Variants in SHROOM3 observed in about 807,000 individuals in gnomAD.
The protein encoded by SHROOM3 is protein Shroom3.
A neutral mutation model predicts 138.6 loss-of-function variants in SHROOM3; 47 were observed. That is an observed-to-expected ratio of 0.34 (90% CI 0.27 to 0.43). The LOEUF (loss-of-function observed/expected upper bound fraction) is 0.43, where lower values mean the gene tolerates loss of function less well. Among genes scored for constraint, SHROOM3 ranks in the 20% least tolerant of loss-of-function variants. The pLI is 1.00. For missense variants in SHROOM3, 2,491 were observed against 2,596.5 expected, an observed-to-expected ratio of 0.96 and a Z score of 0.88; for synonymous variants, 1,062 against 1,063.3, an observed-to-expected ratio of 1.00 and a Z score of 0.02.
intron 9 of SHROOM3, among the ~76,000 whole-genome samples, chr4:76,765,466 G>T (rs1437983588): frequency 1.3e-5 from 2 of 152,138 alleles, no homozygotes; most frequent in African/African-American, 4.8e-5. Flanking sequence ...GTAGTGAGCT[G>T]TGATTATGCC....
At chr4:76,651,446 A>ATATATATATATAT (rs1735960761) in intron 2 of SHROOM3, among the ~76,000 whole-genome samples, 1 of 97,092 alleles carries the variant, frequency 1.0e-5, no homozygotes. Flanking sequence ...ATATATATAT[A>ATATATATATATAT]CCTACTATGT....
intron 1 of SHROOM3, among the ~76,000 whole-genome samples, chr4:76,511,910 G>A (rs1180570822): frequency 2.0e-5 from 3 of 152,166 alleles, no homozygotes; most frequent in African/African-American, 4.8e-5. Flanking sequence ...GGAGTGAGGG[G>A]CCTGTCCTCA....
chr4:76,652,716 G>C (rs1270298125), intron 2 of SHROOM3, among the ~76,000 whole-genome samples: 2 of 151,898 alleles, frequency 1.3e-5, no homozygotes, highest in Non-Finnish European at 2.9e-5. Flanking sequence ...ATGAGTTCAT[G>C]CAAAGTAAGA....
At chr4:76,461,384 AT>A (rs1731139608) in intron 1 of SHROOM3, among the ~76,000 whole-genome samples, 1 of 152,250 alleles carries the variant, frequency 6.6e-6, no homozygotes. Context: ...ATGGAAAATC[AT>A]AGATATTTGG....
chr4:76,448,243 A>G (rs1579160280), intron 1 of SHROOM3, among the ~76,000 whole-genome samples: 1 of 152,208 alleles, frequency 6.6e-6, no homozygotes, highest in Non-Finnish European at 1.5e-5. Flanking sequence ...ATTAGTTATC[A>G]TATTTAGTCA....
intron 2 of SHROOM3, among the ~76,000 whole-genome samples, chr4:76,658,929 G>A (rs1736124246): frequency 6.6e-6 from 1 of 150,996 alleles, no homozygotes; most frequent in South Asian, 2.1e-4. Flanking sequence ...TCTTTTTTTG[G>A]AAACAATTAG....
intron 1 of SHROOM3, among the ~76,000 whole-genome samples, chr4:76,462,974 G>A (rs193106356): frequency 4.2e-4 from 64 of 152,298 alleles, no homozygotes; most frequent in South Asian, 2.1e-3. Flanking sequence ...AATTGGTAGA[G>A]AAGGGGGGCA....
At chr4:76,466,939 G>A (rs1189286664) in intron 1 of SHROOM3, among the ~76,000 whole-genome samples, 2 of 152,246 alleles carry the variant, frequency 1.3e-5, no homozygotes, top group East Asian at 1.9e-4. Flanking sequence ...TCTGCTGGGG[G>A]AGTAAGTGAA....
At chr4:76,497,600 GTAA>G (rs1560524755) in intron 1 of SHROOM3, among the ~76,000 whole-genome samples, 6 of 152,208 alleles carry the variant, frequency 3.9e-5, no homozygotes, top group Non-Finnish European at 8.8e-5. Flanking sequence ...GCTCATGCCT[GTAA>G]TCCCAGCACT....
intron 2 of SHROOM3, among the ~76,000 whole-genome samples, chr4:76,704,614 G>T (rs1719996468): frequency 6.6e-6 from 1 of 152,186 alleles, no homozygotes; most frequent in Non-Finnish European, 1.5e-5. Context: ...TCAGAATGCA[G>T]TAAGGGGAAA....
intron 1 of SHROOM3, among the ~76,000 whole-genome samples, chr4:76,463,107 C>T (rs1731174990): frequency 6.6e-6 from 1 of 152,138 alleles, no homozygotes; most frequent in South Asian, 2.1e-4. Context: ...TTCCTAGAGA[C>T]TTAGTGAATG....
At chr4:76,535,772 T>C (rs938968614) in intron 1 of SHROOM3, among the ~76,000 whole-genome samples, 1 of 152,240 alleles carries the variant, frequency 6.6e-6, no homozygotes, top group African/African-American at 2.4e-5. Context: ...AACCATTTTA[T>C]TGGAATGACT....
Position 76,577,210 on chromosome 4 carries a change from G to A in SHROOM3, c.323+21447G>A, listed in dbSNP as rs138385190. ...AAGATAATCTATACTTGAAATTTTC[G>A]CATATCACAGGCTAAAAAGCCCTCT... On this transcript the variant is annotated intron_variant, in intron 2 of 10. Coordinates refer to ENST00000296043, the MANE Select transcript of SHROOM3 (RefSeq NM_020859.4). 4.6e-3 allele frequency among the ~76,000 whole-genome samples: 707 copies of A among 152,232 alleles called. 1 individual carries two copies. Among genetic ancestry groups the A allele is most frequent in the Non-Finnish European group, 7.3e-3 (499 of 68,026 alleles).
chr4:76,546,084 G>C (rs751700374), intron 1 of SHROOM3, among the ~76,000 whole-genome samples: 5 of 152,148 alleles, frequency 3.3e-5, no homozygotes, highest in Non-Finnish European at 4.4e-5. Context: ...AATTTTCCCT[G>C]ATGGTCATCT....
chr4:76,524,667 G>A (rs1473659736), intron 1 of SHROOM3, among the ~76,000 whole-genome samples: 3 of 152,150 alleles, frequency 2.0e-5, no homozygotes, highest in African/African-American at 7.2e-5. Flanking sequence ...TTTGTGCCCA[G>A]GATTCCCAGA....
chr4:76,515,311 A>G (rs1384950924), intron 1 of SHROOM3, among the ~76,000 whole-genome samples: 1 of 151,760 alleles, frequency 6.6e-6, no homozygotes, highest in East Asian at 1.9e-4. Flanking sequence ...AGTTGAGTCC[A>G]GGAGGTTGAG....
intron 2 of SHROOM3, among the ~76,000 whole-genome samples, chr4:76,665,896 A>T (rs886173769): frequency 1.3e-5 from 2 of 152,176 alleles, no homozygotes; most frequent in African/African-American, 2.4e-5. Flanking sequence ...ACCCCACGCC[A>T]TACCTTCATT....
At chr4:76,717,505 A>T (rs1035697079) in intron 3 of SHROOM3, among the ~76,000 whole-genome samples, 2 of 151,722 alleles carry the variant, frequency 1.3e-5, no homozygotes, top group African/African-American at 4.8e-5. Flanking sequence ...GTTGTCTCTC[A>T]GTTCTTGGAT....
chr4:76,443,473 T>C (rs1211496317), intron 1 of SHROOM3, among the ~76,000 whole-genome samples: 1 of 152,250 alleles, frequency 6.6e-6, no homozygotes, highest in Non-Finnish European at 1.5e-5. Flanking sequence ...TCTTAACTAA[T>C]CCATAGACAG....
Sources: allele counts gnomAD v4.1 joint callset (sites outside exome capture counted in the v4.1 genomes callset), GRCh38; gene constraint gnomAD v4.1.1; transcripts MANE v1.5; gene names NCBI Gene and HGNC (gene_info 2026-07-23, HGNC 2026-07-21).